Variants in MTA3 observed in about 807,000 individuals in gnomAD.
The protein encoded by MTA3 is metastasis associated 1 family member 3, also known as metastasis-associated protein MTA3.
MTA3 carries 34 observed loss-of-function variants against 83.5 expected under a neutral mutation model. That is an observed-to-expected ratio of 0.41 (90% CI 0.31 to 0.54). The LOEUF is 0.54. MTA3 is among the 20% of genes least tolerant of loss of function. The pLI is 0.33. For synonymous variants in MTA3, 303 were observed against 252.7 expected, an observed-to-expected ratio of 1.20 and a Z score of -1.89; for missense variants, 761 against 726.4, an observed-to-expected ratio of 1.05 and a Z score of -0.55.
chr2:42,630,837 G>C (rs1371266499), intron 4 of MTA3, among the ~76,000 whole-genome samples: 4 of 152,116 alleles, frequency 2.6e-5, no homozygotes, highest in Admixed American at 2.6e-4. Context: ...GGTCAAAGCA[G>C]GGAGGTTCAG....
At chr2:42,733,177 G>A (rs1294569182) in intron 16 of MTA3, among the ~76,000 whole-genome samples, 2 of 152,296 alleles carry the variant, frequency 1.3e-5, no homozygotes, top group East Asian at 1.9e-4. Context: ...AGACATACCC[G>A]AGAATGGGAA....
intron 4 of MTA3, among the ~76,000 whole-genome samples, chr2:42,618,343 A>C (rs1685155461): frequency 6.6e-6 from 1 of 152,188 alleles, no homozygotes; most frequent in South Asian, 2.1e-4. Context: ...ACATATTTCA[A>C]ATATTTTTGT....
chr2:42,601,464 A>G (rs1255371264), intron 3 of MTA3, among the ~76,000 whole-genome samples: 1 of 152,202 alleles, frequency 6.6e-6, no homozygotes, highest in Admixed American at 6.5e-5. Context: ...AGCACTGAGC[A>G]CTGCCTTGTC....
At chr2:42,625,708 C>G (rs1378646764) in intron 4 of MTA3, among the ~76,000 whole-genome samples, 8 of 143,588 alleles carry the variant, frequency 5.6e-5, no homozygotes, top group African/African-American at 2.1e-4. Context: ...GATCACGCCA[C>G]TGCACTCTAG....
chr2:42,510,387 GTTA>G (rs1439493334), intron 2 of MTA3, among the ~76,000 whole-genome samples: 1 of 151,052 alleles, frequency 6.6e-6, no homozygotes, highest in Non-Finnish European at 1.5e-5. Context: ...GAGTACCCCT[GTTA>G]TTCCTTACTC....
intron 3 of MTA3, among the ~76,000 whole-genome samples, chr2:42,604,899 G>T (rs1683057118): frequency 6.7e-6 from 1 of 148,438 alleles, no homozygotes; most frequent in Non-Finnish European, 1.5e-5. Context: ...CAGGGTTGGG[G>T]GTAAGGTCAC....
chr2:42,631,873 AG>A (rs1343207811), intron 4 of MTA3, among the ~76,000 whole-genome samples: 3 of 151,466 alleles, frequency 2.0e-5, no homozygotes, highest in Non-Finnish European at 4.4e-5. Context: ...TATTTGTCAT[AG>A]CGATGGGGTA....
chr2:42,731,468 T>TG (rs1668224457), intron 16 of MTA3, among the ~76,000 whole-genome samples: 1 of 152,184 alleles, frequency 6.6e-6, no homozygotes, highest in Admixed American at 6.5e-5. Context: ...TTTTACATGG[T>TG]GGCAGCAAGA....
chr2:42,723,320 G>A, intron 16 of MTA3: 1 of 355,800 alleles, frequency 2.8e-6, no homozygotes, highest in Admixed American at 4.4e-5. Flanking sequence ...TAATGTTCTT[G>A]CTGTGATGCG....
At chr2:42,516,940 CAT>C (rs1324426565) in intron 2 of MTA3, among the ~76,000 whole-genome samples, 1 of 152,078 alleles carries the variant, frequency 6.6e-6, no homozygotes, top group Non-Finnish European at 1.5e-5. Context: ...GCCTGGGCAA[CAT>C]AGCGAGACCC....
At chr2:42,733,543 T>C (rs1468438495) in intron 16 of MTA3, among the ~76,000 whole-genome samples, 1 of 152,214 alleles carries the variant, frequency 6.6e-6, no homozygotes, top group South Asian at 2.1e-4. Context: ...ATCCCATAGG[T>C]TTTGGTATGT....
At chr2:42,535,742 AAC>A (rs1676197816) in intron 2 of MTA3, among the ~76,000 whole-genome samples, 1 of 143,350 alleles carries the variant, frequency 7.0e-6, no homozygotes, top group Non-Finnish European at 1.5e-5. Context: ...CATGCATAAT[AAC>A]CCTTGGGTAA....
intron 16 of MTA3, among the ~76,000 whole-genome samples, chr2:42,735,538 T>A (rs1668548890): frequency 6.6e-6 from 1 of 152,210 alleles, no homozygotes; most frequent in Non-Finnish European, 1.5e-5. Flanking sequence ...TGTTATCCCT[T>A]TGAATAATCT....
chr2:42,664,371 T>G (rs990291576), intron 8 of MTA3, among the ~76,000 whole-genome samples: 9 of 151,904 alleles, frequency 5.9e-5, no homozygotes, highest in Non-Finnish European at 1.0e-4. Context: ...TTTTGTACCA[T>G]TAAATGAAAA....
intron 2 of MTA3, among the ~76,000 whole-genome samples, chr2:42,505,427 AC>A (rs1233429882): frequency 6.6e-6 from 1 of 151,992 alleles, no homozygotes; most frequent in African/African-American, 2.4e-5. Flanking sequence ...TGACTGACTC[AC>A]CTAAGGTTCC....
At chr2:42,686,955 CAA>C (rs777631048) in intron 9 of MTA3, among the ~76,000 whole-genome samples, 4 of 105,472 alleles carry the variant, frequency 3.8e-5, no homozygotes, top group African/African-American at 3.5e-5. Flanking sequence ...CCCATCTCTA[CAA>C]AAAAAAAAAA....
rs1669946686 is a variant in MTA3, at chr2:42,752,429, T to C, written c.1760-945T>C. On this transcript the variant is annotated intron_variant, in intron 16 of 16. Transcript: ENST00000405094. The stretch of plus-strand genomic sequence containing the variant: ...CCCTCCTAGCCACTTTCCTAATAAC[T>C]AAGTAAAAAGCTTTCACAACTTTCT... 8.4e-6 allele frequency: 3 copies of C among 356,474 alleles called. No individual in the cohort carries two copies. The Admixed American group carries it at 1.1e-4, about 13-fold the overall frequency. 22.1% of individuals were successfully genotyped at this position (356,474 alleles called of 1,614,324 possible). A position where few individuals can be genotyped will look rare whatever the true frequency, so the allele number is the denominator to read the frequency against.
rs1558648372 is a variant in MTA3, at chr2:42,756,328, C to G, written c.*2929C>G. 2.4e-6 allele frequency: 1 copy of G among 417,332 alleles called. No individual in the cohort carries two copies. Among genetic ancestry groups the G allele is most frequent in the Non-Finnish European group, 3.2e-6 (1 of 310,742 alleles). The allele number at this position is 417,332 out of a possible 1,614,324, so 25.9% of individuals were successfully genotyped here. A position where few individuals can be genotyped will look rare whatever the true frequency, so the allele number is the denominator to read the frequency against. ...AGAGGGGGCCCCAGCCTCTCCCCTCCTCTTGGCCTCCAGAGTCCTGCAGGT... is the reference window on the plus strand; with the variant it reads ...AGAGGGGGCCCCAGCCTCTCCCCTCGTCTTGGCCTCCAGAGTCCTGCAGGT... On this transcript the variant is annotated 3_prime_UTR_variant, in exon 17 of 17. Coordinates refer to ENST00000405094, the MANE Select transcript of MTA3 (RefSeq NM_001330442.2).
In MTA3 at chr2:42,667,621, AAGAGAGAGAGAG is replaced by A. The variant is rs70963342; in HGVS notation, c.702+7784_702+7795del. Among the ~76,000 whole-genome samples the A allele has an allele frequency of 1.5e-3, 172 of 114,144 alleles. 1 individual carries two copies. The highest frequency in any genetic ancestry group is 4.3e-3 in the African/African-American group (132 of 30,788). 74.9% of individuals were successfully genotyped at this position (114,144 alleles called of 152,430 possible). A position where few individuals can be genotyped will look rare whatever the true frequency, so the allele number is the denominator to read the frequency against. On this transcript the variant is annotated intron_variant, in intron 8 of 16. Transcript: ENST00000405094. ...GTGTGTGTGTGTGTATAGAGAGAGA[AAGAGAGAGAGAG>A]AGAGAGAGAGAGAGAGAGAGAGAGT...
Sources: gnomAD v4.1 joint callset for allele counts (sites outside exome capture counted in the v4.1 genomes callset) on GRCh38, gnomAD v4.1.1 for gene constraint, MANE v1.5 for transcripts, NCBI Gene and HGNC (gene_info 2026-07-23, HGNC 2026-07-21) for gene names.